The following PSIP1 variants were observed in gnomAD, a reference collection of about 807,000 sequenced individuals.
PSIP1 encodes PC4 and SRSF1 interacting protein 1, also known as PC4 and SFRS1-interacting protein.
Under a neutral mutation model 74.7 loss-of-function variants are expected in PSIP1, and 19 were observed. That is an observed-to-expected ratio of 0.25 (90% CI 0.18 to 0.37). The LOEUF (loss-of-function observed/expected upper bound fraction) is 0.37, where lower values mean the gene tolerates loss of function less well. Ranked by LOEUF, PSIP1 falls within the 10% of genes least tolerant of loss-of-function variation. PSIP1 has a pLI of 1.00. For missense variants in PSIP1, 601 were observed against 614.3 expected, an observed-to-expected ratio of 0.98 and a Z score of 0.23; for synonymous variants, 222 against 195.3, an observed-to-expected ratio of 1.14 and a Z score of -1.14.
Position 15,487,540 on chromosome 9 carries a change from G to A in PSIP1, c.289-609C>T, listed in dbSNP as rs184498373. On this transcript the variant is annotated intron_variant, in intron 4 of 15. Transcript: ENST00000380733. Reference sequence around the variant, plus strand: ...AAACCCAGGAGGCAGAGGTTGCAGCGAGACAAGATCAAAATTGCACCACTG... The same window carrying A: ...AAACCCAGGAGGCAGAGGTTGCAGCAAGACAAGATCAAAATTGCACCACTG... 2.2e-3 allele frequency among the ~76,000 whole-genome samples: 340 copies of A among 152,124 alleles called. 2 individuals are homozygous for A. The highest frequency in any genetic ancestry group is 7.6e-3 in the African/African-American group (315 of 41,498).
intron 2 of PSIP1, 43 bp downstream of exon 2, chr9:15,510,074 A>C: frequency 6.4e-7 from 1 of 1,553,084 alleles, no homozygotes; most frequent in Non-Finnish European, 8.8e-7. Flanking sequence ...GCCTCTGGAG[A>C]GGAGGGTAGC....
At chr9:15,472,826 GA>G (rs2035898706) in intron 9 of PSIP1, 76 bp from the exon 10 acceptor site, 3 of 1,364,100 alleles carry the variant, frequency 2.2e-6, no homozygotes, top group East Asian at 2.5e-5. Flanking sequence ...AATCTTGGGG[GA>G]AAAGCAGCAG....
intron 3 of PSIP1, among the ~76,000 whole-genome samples, chr9:15,495,571 AATCT>A (rs1421049272): frequency 6.6e-6 from 1 of 152,216 alleles, no homozygotes; most frequent in Non-Finnish European, 1.5e-5. Context: ...TATTAAAAAA[AATCT>A]ATCAAGAATA....
chr9:15,496,560 A>C (rs1291563137), intron 3 of PSIP1, among the ~76,000 whole-genome samples: 4 of 152,108 alleles, frequency 2.6e-5, no homozygotes, highest in Non-Finnish European at 5.9e-5. Context: ...GTACCTTTTC[A>C]CTACAATTGT....
chr9:15,467,783 T>A lies in PSIP1; in HGVS notation c.1420+847A>T, dbSNP rs374763438. 3.9e-5 allele frequency among the ~76,000 whole-genome samples: 6 copies of A among 152,330 alleles called. No individual in the cohort carries two copies. In the East Asian group the frequency reaches 9.6e-4, roughly 24 times the overall value. ...TAAAGTTAGTGAAAAAAGTAGAAGCTAAGGTTCAGTGCCTTACATATATGC... is the reference window on the plus strand; with the variant it reads ...TAAAGTTAGTGAAAAAAGTAGAAGCAAAGGTTCAGTGCCTTACATATATGC... On this transcript the variant is annotated intron_variant, in intron 14 of 15. Transcript: ENST00000380733.
At chr9:15,490,682 C>CAAAAAAAAAAA (rs869054621) in intron 3 of PSIP1, among the ~76,000 whole-genome samples, 1 of 57,318 alleles carries the variant, frequency 1.7e-5, no homozygotes, top group Non-Finnish European at 3.5e-5. Context: ...GACTCTGTCT[C>CAAAAAAAAAAA]AAAAAAAAAA....
At chr9:15,495,330 T>C (rs2037025145) in intron 3 of PSIP1, among the ~76,000 whole-genome samples, 1 of 152,192 alleles carries the variant, frequency 6.6e-6, no homozygotes, top group Non-Finnish European at 1.5e-5. Flanking sequence ...ATCATTTTTC[T>C]TAACCTCAAA....
intron 7 of PSIP1, among the ~76,000 whole-genome samples, chr9:15,479,095 TG>T (rs1425580463): frequency 2.0e-5 from 3 of 152,152 alleles, no homozygotes; most frequent in Non-Finnish European, 4.4e-5. Context: ...CACTCAATTT[TG>T]GTTTTGTTTT....
Position 15,510,322 on chromosome 9 carries a change from C to G in PSIP1, c.-134G>C. The G allele has an allele frequency of 2.0e-6, 1 of 490,366 alleles. No homozygotes were observed. Among genetic ancestry groups the G allele is most frequent in the East Asian group, 4.5e-5 (1 of 22,380 alleles). 30.4% of individuals were successfully genotyped at this position (490,366 alleles called of 1,614,324 possible). On this transcript the variant is annotated 5_prime_UTR_variant, in exon 2 of 16. Coordinates refer to ENST00000380733, the MANE Select transcript of PSIP1 (RefSeq NM_033222.5). ...GGGAGGATGCCTCGGGGCGTCCCGA[C>G]GCGCCTGCTAGGGAGAGCACCGAGG...
chr9:15,476,117 C>A (rs2036064808), intron 8 of PSIP1, among the ~76,000 whole-genome samples: 1 of 152,204 alleles, frequency 6.6e-6, no homozygotes, highest in African/African-American at 2.4e-5. Flanking sequence ...CTGCACTCCA[C>A]TGAGTGTGTG....
chr9:15,465,256 T>C lies in PSIP1; in HGVS notation c.*264A>G. 2 of 392,178 alleles carry C rather than the reference T, an allele frequency of 5.1e-6. No homozygotes were observed. Among genetic ancestry groups the C allele is most frequent in the Non-Finnish European group, 9.0e-6 (2 of 222,050 alleles). The allele number at this position is 392,178 out of a possible 1,614,324, so 24.3% of individuals were successfully genotyped here. A position where few individuals can be genotyped will look rare whatever the true frequency, so the allele number is the denominator to read the frequency against. Reference sequence around the variant, plus strand: ...AACATACACACACTAATTGAAAATATGCTACAACCATGTCTGGAAAAGCAG... The same window carrying C: ...AACATACACACACTAATTGAAAATACGCTACAACCATGTCTGGAAAAGCAG... On this transcript the variant is annotated 3_prime_UTR_variant, in exon 16 of 16. Coordinates refer to ENST00000380733, the MANE Select transcript of PSIP1 (RefSeq NM_033222.5).
intron 15 of PSIP1, among the ~76,000 whole-genome samples, 166 bp downstream of exon 15, chr9:15,466,582 G>A (rs2035642358): frequency 6.6e-6 from 1 of 152,146 alleles, no homozygotes; most frequent in Admixed American, 6.5e-5. Context: ...GTCAATAAAA[G>A]GTTTTTACTC....
At chr9:15,485,755 TG>T (rs2036533153) in intron 6 of PSIP1, 2 of 351,758 alleles carry the variant, frequency 5.7e-6, no homozygotes, top group South Asian at 6.2e-5. Context: ...TAGAGAAAAC[TG>T]AGGCACAGTC....
chr9:15,508,458 G>C (rs1174400114), intron 2 of PSIP1, among the ~76,000 whole-genome samples: 2 of 152,154 alleles, frequency 1.3e-5, no homozygotes, highest in Non-Finnish European at 2.9e-5. Context: ...AAACACTCTG[G>C]TCTTCCAAAG....
At chr9:15,506,863 A>G (rs2037613921) in intron 2 of PSIP1, among the ~76,000 whole-genome samples, 1 of 152,208 alleles carries the variant, frequency 6.6e-6, no homozygotes, top group African/African-American at 2.4e-5. Context: ...TGAGGGTATC[A>G]GTCATTTCTT....
At chr9:15,475,980 G>C (rs892305972) in intron 8 of PSIP1, among the ~76,000 whole-genome samples, 35 of 152,160 alleles carry the variant, frequency 2.3e-4, no homozygotes, top group African/African-American at 7.5e-4. Context: ...TTGGTTTTTA[G>C]CTCTTCTGGG....
chr9:15,468,901 T>G lies in PSIP1; in HGVS notation c.1206+56A>C, dbSNP rs545278725. On this transcript the variant is annotated intron_variant, in intron 13 of 15. Transcript: ENST00000380733. Reference sequence around the variant, plus strand: ...TTTCCTAATTGATTTTTTAAACAATTTTTAAATGAAGTAATGACAAAATTC... The same window carrying G: ...TTTCCTAATTGATTTTTTAAACAATGTTTAAATGAAGTAATGACAAAATTC... 16 of 1,604,476 alleles carry G rather than the reference T, an allele frequency of 1.0e-5. No individual in the cohort carries two copies. In the African/African-American group the frequency reaches 2.0e-4, roughly 20 times the overall value.
At chr9:15,509,510 T>TCAAGGTCA (rs2037753841) in intron 2 of PSIP1, among the ~76,000 whole-genome samples, 1 of 152,182 alleles carries the variant, frequency 6.6e-6, no homozygotes, top group Non-Finnish European at 1.5e-5. Flanking sequence ...AACAACTTCT[T>TCAAGGTCA]CAAGGTCATA....
At chr9:15,500,621 A>G (rs148820626) in intron 3 of PSIP1, among the ~76,000 whole-genome samples, 221 of 152,278 alleles carry the variant, frequency 1.5e-3, no homozygotes, top group African/African-American at 5.0e-3. Context: ...AAGATTCATT[A>G]CTTTATTTTC....
Sources: allele counts gnomAD v4.1 joint callset (sites outside exome capture counted in the v4.1 genomes callset), GRCh38; gene constraint gnomAD v4.1.1; transcripts MANE v1.5; gene names NCBI Gene and HGNC (gene_info 2026-07-23, HGNC 2026-07-21).